PSTPIP1: variants seen among roughly 807,000 people sequenced by gnomAD.
PSTPIP1 encodes proline-serine-threonine phosphatase-interacting protein 1.
A neutral mutation model predicts 69.6 loss-of-function variants in PSTPIP1; 66 were observed. That is an observed-to-expected ratio of 0.95 (90% CI 0.78 to 1.16). The LOEUF is 1.16. Among genes scored for constraint, PSTPIP1 ranks in the 50% most tolerant of loss-of-function variants. The pLI is 0.00. For synonymous variants in PSTPIP1, 266 were observed against 222.7 expected, an observed-to-expected ratio of 1.19 and a Z score of -1.73; for missense variants, 603 against 557.4, an observed-to-expected ratio of 1.08 and a Z score of -0.82.
intron 3 of PSTPIP1, among the ~76,000 whole-genome samples, chr15:77,022,563 A>G (rs1428859074): frequency 2.6e-5 from 4 of 152,196 alleles, no homozygotes; most frequent in Non-Finnish European, 1.5e-5. Flanking sequence ...GGTGGGAGGA[A>G]GCAGGAATTT....
chr15:77,004,815 C>A (rs1030510190), intron 1 of PSTPIP1, among the ~76,000 whole-genome samples: 3 of 151,994 alleles, frequency 2.0e-5, no homozygotes, highest in Middle Eastern at 3.4e-3. Flanking sequence ...ACTGTATGAT[C>A]GCACCACTGC....
intron 1 of PSTPIP1, among the ~76,000 whole-genome samples, chr15:77,009,497 C>G (rs1451840520): frequency 3.3e-5 from 5 of 152,144 alleles, no homozygotes; most frequent in Admixed American, 2.0e-4. Context: ...AAATTGAGGC[C>G]AGAGAGTGGG....
At chr15:77,016,084 T>C in intron 1 of PSTPIP1, 1 of 456,134 alleles carries the variant, frequency 2.2e-6, no homozygotes, top group Non-Finnish European at 4.4e-6. Context: ...GGTGTGGGGC[T>C]GGGCTCCAGG....
In PSTPIP1 at chr15:77,027,811, G is replaced by A. The variant is rs1276477422; in HGVS notation, c.355-41G>A. 6 of 1,550,102 alleles carry A rather than the reference G, an allele frequency of 3.9e-6. No homozygotes were observed. Among genetic ancestry groups the A allele is most frequent in the South Asian group, 3.6e-5 (3 of 83,898 alleles). ...TCCTCTTGGCCTAGGGGAGCCTCCCGAGGCCGCGGCCCTCGGCTCAGAACC... is the reference window on the plus strand; with the variant it reads ...TCCTCTTGGCCTAGGGGAGCCTCCCAAGGCCGCGGCCCTCGGCTCAGAACC... On this transcript the variant is annotated intron_variant, in intron 5 of 14. Transcript: ENST00000558012. The surrounding 1 kb of genome is among the most constrained non-coding windows in gnomAD (Gnocchi z 4.3).
At chr15:77,025,348 C>A in intron 4 of PSTPIP1, 30 bp downstream of exon 4, 4 of 1,597,158 alleles carry the variant, frequency 2.5e-6, no homozygotes, top group East Asian at 2.2e-5. Context: ...GCAATGGGAT[C>A]TTTTGGGACT....
intron 1 of PSTPIP1, chr15:77,015,692 CG>C: frequency 2.9e-6 from 1 of 339,506 alleles, no homozygotes; most frequent in Non-Finnish European, 5.9e-6. Flanking sequence ...GCTCAGAGCA[CG>C]GAGTCAGACC....
intron 12 of PSTPIP1, among the ~76,000 whole-genome samples, chr15:77,034,726 C>T (rs1286149402): frequency 6.6e-6 from 1 of 152,240 alleles, no homozygotes; most frequent in Non-Finnish European, 1.5e-5. Context: ...CTCAGCCCCA[C>T]CCCACTAAGA....
intron 3 of PSTPIP1, among the ~76,000 whole-genome samples, chr15:77,023,167 A>G (rs1311394985): frequency 6.6e-6 from 1 of 152,206 alleles, no homozygotes; most frequent in Admixed American, 6.5e-5. Flanking sequence ...GGGGTTGAGA[A>G]AATTTAGATT....
In PSTPIP1 at chr15:77,027,721, G is replaced by A. The variant is rs1173826026; in HGVS notation, c.355-131G>A. On this transcript the variant is annotated intron_variant, in intron 5 of 14. Coordinates refer to ENST00000558012, the MANE Select transcript of PSTPIP1 (RefSeq NM_003978.5). This position sits in a 1 kb window ranked among gnomAD's most constrained non-coding sequence, Gnocchi z 4.3. ...GAAGCAGCAGGCTCTGGGGGAGGGA[G>A]GGCAGCCTGTCACCCTCTCTCCAGA... 9.6e-6 allele frequency: 10 copies of A among 1,037,804 alleles called. No individual in the cohort carries two copies. Among genetic ancestry groups the A allele is most frequent in the Non-Finnish European group, 1.2e-5 (8 of 685,232 alleles). The allele number at this position is 1,037,804 out of a possible 1,614,324, so 64.3% of individuals were successfully genotyped here.
intron 5 of PSTPIP1, 147 bp downstream of exon 5, chr15:77,025,751 G>A (rs2076267073): frequency 2.7e-6 from 2 of 739,292 alleles, no homozygotes; most frequent in African/African-American, 3.5e-5. Context: ...TGGGGCTTGA[G>A]GGTGATCTGA....
intron 10 of PSTPIP1, chr15:77,031,667 T>G (rs2076420936): frequency 9.8e-6 from 2 of 203,808 alleles, no homozygotes; most frequent in South Asian, 1.5e-4. Flanking sequence ...GGCGCAGTCC[T>G]TCCTCTGCTC....
chr15:77,025,717 G>T (rs2076266604), intron 5 of PSTPIP1, 113 bp downstream of exon 5: 2 of 754,088 alleles, frequency 2.7e-6, no homozygotes, highest in Non-Finnish European at 2.1e-6. Flanking sequence ...GGCAGGGGTG[G>T]TGGTGGGACA....
At chr15:77,017,283 T>C (rs554154559) in intron 1 of PSTPIP1, among the ~76,000 whole-genome samples, 3 of 152,228 alleles carry the variant, frequency 2.0e-5, no homozygotes, top group African/African-American at 7.2e-5. Context: ...CACACCCAGC[T>C]TCCCACACCA....
intron 12 of PSTPIP1, among the ~76,000 whole-genome samples, chr15:77,033,920 C>T (rs554318659): frequency 6.6e-6 from 1 of 152,324 alleles, no homozygotes; most frequent in South Asian, 2.1e-4. Context: ...AGACAGGCTT[C>T]CCTGTGCCTG....
At chr15:77,016,297 C>T (rs2076051237) in intron 1 of PSTPIP1, among the ~76,000 whole-genome samples, 1 of 152,100 alleles carries the variant, frequency 6.6e-6, no homozygotes, top group Non-Finnish European at 1.5e-5. Context: ...TCCCTCCGGG[C>T]AGGTGCAGGA....
rs1019175249 is a variant in PSTPIP1, at chr15:77,032,891, C to T, written c.868C>T (p.Arg290Trp). The T allele has an allele frequency of 8.1e-6, 13 of 1,601,762 alleles. No individual in the cohort carries two copies. Among genetic ancestry groups the T allele is most frequent in the African/African-American group, 1.3e-5 (1 of 74,710 alleles). Reference sequence around the variant, plus strand: ...GGTGCCCTACCAGAACTATTACGATCGGGAGGTCACCCCGCTGACCAGCAG... The same window carrying T: ...GGTGCCCTACCAGAACTATTACGATTGGGAGGTCACCCCGCTGACCAGCAG... The part of the protein sequence containing the change: ...APVPYQNYYD[R>W]EVTPLTSSPG... The change falls in exon 12 of 15, where the codon CGG (arginine) becomes TGG (tryptophan). Residue 290 changes from arginine (R) to tryptophan (W), a missense_variant. By Grantham distance (101) the Arg-to-Trp change is moderately radical. Coordinates refer to ENST00000558012, the MANE Select transcript of PSTPIP1 (RefSeq NM_003978.5).
chr15:76,996,011 T>C (rs2075571908), intron 1 of PSTPIP1, among the ~76,000 whole-genome samples: 1 of 152,166 alleles, frequency 6.6e-6, no homozygotes, highest in African/African-American at 2.4e-5. Flanking sequence ...CATTTCTGTC[T>C]CCAAGCCTCA....
At chr15:77,032,595 T>G (rs2076448173) in intron 11 of PSTPIP1, 1 of 637,850 alleles carries the variant, frequency 1.6e-6, no homozygotes, top group Non-Finnish European at 2.7e-6. Context: ...ATGATGGCAC[T>G]CAGAGGAAGA....
intron 1 of PSTPIP1, among the ~76,000 whole-genome samples, chr15:77,013,765 T>C (rs888570900): frequency 1.3e-5 from 2 of 152,164 alleles, no homozygotes; most frequent in African/African-American, 4.8e-5. Context: ...TTCTTGGACA[T>C]AGCAGGTAGG....
Sources: allele counts gnomAD v4.1 joint callset (sites outside exome capture counted in the v4.1 genomes callset), GRCh38; gene constraint gnomAD v4.1.1; non-coding constraint Gnocchi (gnomAD v3.1); transcripts MANE v1.5; gene names NCBI Gene and HGNC (gene_info 2026-07-23, HGNC 2026-07-21).